Variants in NPC1L1 observed in about 807,000 individuals in gnomAD.
NPC1L1 encodes the protein NPC1 like intracellular cholesterol transporter 1.
NPC1L1 carries 98 observed loss-of-function variants against 117.0 expected under a neutral mutation model. The ratio of observed to expected loss-of-function variants is 0.84; its 90% confidence interval spans 0.71 to 0.99. NPC1L1 has a LOEUF of 0.99. Ranked by LOEUF, NPC1L1 falls within the 50% of genes least tolerant of loss-of-function variation. The pLI is 0.00. For missense variants in NPC1L1, 1,540 were observed against 1,710.0 expected, an observed-to-expected ratio of 0.90 and a Z score of 1.75; for synonymous variants, 729 against 727.6, an observed-to-expected ratio of 1.00 and a Z score of -0.03.
Position 44,536,108 on chromosome 7 carries a change from A to G in NPC1L1, c.1855-140T>C. 1 of 1,531,882 alleles carries G rather than the reference A, an allele frequency of 6.5e-7. No homozygotes were observed. The highest frequency in any genetic ancestry group is 9.0e-7 in the Non-Finnish European group (1 of 1,109,538). The allele number at this position is 1,531,882 out of a possible 1,614,324, so 94.9% of individuals were successfully genotyped here. A position where few individuals can be genotyped will look rare whatever the true frequency, so the allele number is the denominator to read the frequency against. On this transcript the variant is annotated intron_variant, in intron 4 of 18. Coordinates refer to ENST00000381160, the MANE Select transcript of NPC1L1 (RefSeq NM_001101648.2). This position sits in a 1 kb window ranked among gnomAD's most constrained non-coding sequence, Gnocchi z 4.7. ...CCCCTATAATCGCAGGTGAGGCTAT[A>G]AGAACAGCCATCACAATCACCCCGT...
chr7:44,514,799 C>T (rs1801134349), intron 18 of NPC1L1, among the ~76,000 whole-genome samples: 2 of 151,814 alleles, frequency 1.3e-5, no homozygotes, highest in Non-Finnish European at 2.9e-5. Flanking sequence ...GTCAGGAGTT[C>T]GAGACCAGCC....
intron 8 of NPC1L1, among the ~76,000 whole-genome samples, chr7:44,532,929 C>A (rs980004590): frequency 1.3e-5 from 2 of 152,108 alleles, no homozygotes; most frequent in Non-Finnish European, 2.9e-5. Context: ...CATGGTGAAA[C>A]CCCATCTCTA....
rs1056878246 is a variant in NPC1L1 at position 44,533,722 on chromosome 7, G to T, written c.2281+17C>A. On this transcript the variant is annotated intron_variant, in intron 7 of 18. Coordinates refer to ENST00000381160, the MANE Select transcript of NPC1L1 (RefSeq NM_001101648.2). ...AGCAAGCCTAATGCCGAGTGGGGAG[G>T]TCTCACCCAGGCTCACCTAGGAAGA... The T allele has an allele frequency of 1.2e-6, 2 of 1,612,324 alleles. No homozygotes were observed. The highest frequency in any genetic ancestry group is 4.5e-5 in the East Asian group (2 of 44,868).
chr7:44,539,008 G>A lies in NPC1L1; in HGVS notation c.1389C>T (p.Arg463=), dbSNP rs1387505659. The A allele has an allele frequency of 1.9e-6, 3 of 1,614,066 alleles. No homozygotes were observed. The highest frequency in any genetic ancestry group is 2.7e-5 in the African/African-American group (2 of 74,930). The change falls in exon 2 of 19, where the codon CGC becomes CGT. Residue 463 remains arginine, a synonymous_variant. Transcript: ENST00000381160. The surrounding 1 kb of genome is among the most constrained non-coding windows in gnomAD (Gnocchi z 4.4). ...HLQVWSPEAQ[R]NISLQDICYA... Reference sequence around the variant, plus strand: ...AGCAGATGTCCTGCAGGGAGATGTTGCGCTGTGCTTCGGGCGACCATACCT... The same window carrying A: ...AGCAGATGTCCTGCAGGGAGATGTTACGCTGTGCTTCGGGCGACCATACCT...
At chr7:44,528,695 C>A (rs1460902875) in intron 10 of NPC1L1, among the ~76,000 whole-genome samples, 1 of 152,106 alleles carries the variant, frequency 6.6e-6, no homozygotes, top group African/African-American at 2.4e-5. Flanking sequence ...ATATAGAAAA[C>A]AAATAGCAAA....
chr7:44,531,698 G>C lies in NPC1L1; in HGVS notation c.2637+57C>G. The C allele has an allele frequency of 2.0e-6, 3 of 1,468,894 alleles. No individual in the cohort carries two copies. The South Asian group carries it at 3.6e-5, about 18-fold the overall frequency. 91.0% of individuals were successfully genotyped at this position (1,468,894 alleles called of 1,614,324 possible). A position where few individuals can be genotyped will look rare whatever the true frequency, so the allele number is the denominator to read the frequency against. On this transcript the variant is annotated intron_variant, in intron 10 of 18. Coordinates refer to ENST00000381160, the MANE Select transcript of NPC1L1 (RefSeq NM_001101648.2). ...ACCCCCCAACCCATCCCTGCTGGTT[G>C]CTACTGCCCCTCCCCAAATCCCAGG...
At position 44,539,436 on chromosome 7, in the gene NPC1L1, T is replaced by C; in HGVS notation, c.961A>G (p.Lys321Glu). Reference sequence around the variant, plus strand: ...AGCTTGTCAGAGAGGCTGGTGCCCTTCTTGGGGTCCACCATCTTGCTTTTG... The same window carrying C: ...AGCTTGTCAGAGAGGCTGGTGCCCTCCTTGGGGTCCACCATCTTGCTTTTG... ...RDKSKMVDPK[K>E]GTSLSDKLSF... Residue 321 changes from lysine to glutamate, a missense_variant, in exon 2 of 19, where the codon AAG (lysine) becomes GAG (glutamate). Physicochemically the swap from Lys to Glu is moderately conservative, Grantham distance 56. This residue lies in a region of NPC1L1 where 793 missense variants were observed against 820.4 expected (regional missense o/e 0.97). Transcript: ENST00000381160. This position sits in a 1 kb window ranked among gnomAD's most constrained non-coding sequence, Gnocchi z 4.4. The C allele has an allele frequency of 6.2e-7, 1 of 1,613,946 alleles. No homozygotes were observed. Among genetic ancestry groups the C allele is most frequent in the Non-Finnish European group, 8.5e-7 (1 of 1,179,968 alleles).
intron 1 of NPC1L1, 24 bp from the exon 2 acceptor site, chr7:44,540,366 C>T (rs1394117597): frequency 1.0e-5 from 16 of 1,605,242 alleles, no homozygotes; most frequent in East Asian, 2.2e-5. Context: ...CAACATCACG[C>T]GTGGGCCCTG....
At chr7:44,533,631 C>A (rs1801770737) in intron 7 of NPC1L1, 73 bp from the exon 8 acceptor site, 1 of 1,612,316 alleles carries the variant, frequency 6.2e-7, no homozygotes, top group Admixed American at 1.7e-5. Flanking sequence ...TGACAGGGTG[C>A]AGGGGGAAGG....
In NPC1L1 at chr7:44,539,582, A is replaced by G. The variant is rs1451648930; in HGVS notation, c.815T>C (p.Leu272Pro). 1 of 1,614,022 alleles carries G rather than the reference A, an allele frequency of 6.2e-7. No homozygotes were observed. The change falls in exon 2 of 19, where the codon CTC (leucine) becomes CCC (proline). Residue 272 changes from leucine to proline, a missense_variant. Leu to Pro is a moderately conservative substitution (Grantham distance 98). This residue lies in a region of NPC1L1 where 793 missense variants were observed against 820.4 expected (regional missense o/e 0.97). Coordinates refer to ENST00000381160, the MANE Select transcript of NPC1L1 (RefSeq NM_001101648.2). This position sits in a 1 kb window ranked among gnomAD's most constrained non-coding sequence, Gnocchi z 4.4. ...CTGGCCCAGGTAGAAGGTGGAGTCGAGGGCCTGGGGGCGGGCTATGGCAGG... is the reference window on the plus strand; with the variant it reads ...CTGGCCCAGGTAGAAGGTGGAGTCGGGGGCCTGGGGGCGGGCTATGGCAGG... ...SCPAIARPQA[L>P]DSTFYLGQMP...
At chr7:44,523,390 AG>A (rs1411470352) in intron 10 of NPC1L1, among the ~76,000 whole-genome samples, 1 of 152,080 alleles carries the variant, frequency 6.6e-6, no homozygotes. Flanking sequence ...GAGTCTATTG[AG>A]GGCTGGAAGC....
Position 44,540,245 on chromosome 7 carries a change from G to A in NPC1L1, c.152C>T (p.Thr51Ile), listed in dbSNP as rs1281691562. Residue 51 changes from threonine (T) to isoleucine (I), a missense_variant, in exon 2 of 19, where the codon ACA (threonine) becomes ATA (isoleucine). By Grantham distance (89) the Thr-to-Ile change is moderately conservative. Transcript: ENST00000381160. ...KNPELSGSLMTLSNVSCLSNT... is the reference protein window; with the variant it reads ...KNPELSGSLMILSNVSCLSNT... Reference sequence around the variant, plus strand: ...GGACAGGCAGGACACGTTGGAGAGTGTCATGAGGCTTCCAGACAGCTCTGG... The same window carrying A: ...GGACAGGCAGGACACGTTGGAGAGTATCATGAGGCTTCCAGACAGCTCTGG... The A allele has an allele frequency of 6.2e-7, 1 of 1,613,996 alleles. No homozygotes were observed. Among genetic ancestry groups the A allele is most frequent in the Non-Finnish European group, 8.5e-7 (1 of 1,180,048 alleles).
chr7:44,518,981 T>C (rs981113932), intron 14 of NPC1L1, among the ~76,000 whole-genome samples: 1 of 151,730 alleles, frequency 6.6e-6, no homozygotes, highest in African/African-American at 2.4e-5. Context: ...CCTTCTTTCT[T>C]TCTTTCTCTT....
chr7:44,527,645 A>G (rs910413373), intron 10 of NPC1L1, among the ~76,000 whole-genome samples: 3 of 152,036 alleles, frequency 2.0e-5, no homozygotes, highest in African/African-American at 4.8e-5. Flanking sequence ...ACACCACTGC[A>G]TCTCAGCCTG....
In NPC1L1 at chr7:44,540,115, C is replaced by T. The variant is rs1585155018; in HGVS notation, c.282G>A (p.Lys94=). The T allele has an allele frequency of 6.2e-7, 1 of 1,614,168 alleles. No homozygotes were observed. Among genetic ancestry groups the T allele is most frequent in the East Asian group, 2.2e-5 (1 of 44,878 alleles). ...GPNTQACCSA[K]QLVSLEASLS... ...GACTCGCTTCCAGTGATACCAGCTG[C>T]TTGGCGGAGCAGCAGGCTTGGGTGT... The change falls in exon 2 of 19, where the codon AAG becomes AAA. Residue 94 remains lysine, a synonymous_variant. Transcript: ENST00000381160.
intron 18 of NPC1L1, among the ~76,000 whole-genome samples, chr7:44,515,448 T>C (rs1646467992): frequency 6.6e-6 from 1 of 152,220 alleles, no homozygotes; most frequent in South Asian, 2.1e-4. Context: ...GTGAAGCATT[T>C]GTTTTAGGCA....
intron 10 of NPC1L1, among the ~76,000 whole-genome samples, chr7:44,530,281 T>A (rs1801656287): frequency 6.6e-6 from 1 of 151,640 alleles, no homozygotes; most frequent in Non-Finnish European, 1.5e-5. Context: ...GAGATTGCGG[T>A]GAGCCGAGAT....
intron 16 of NPC1L1, 122 bp downstream of exon 16, chr7:44,516,581 G>A (rs1190115777): frequency 3.5e-6 from 3 of 848,608 alleles, no homozygotes; most frequent in African/African-American, 3.4e-5. Context: ...CCTCAAGCCT[G>A]AGCAACAGAG....
At position 44,517,247 on chromosome 7, in the gene NPC1L1, C is replaced by G; in HGVS notation, c.3247G>C (p.Val1083Leu). The change falls in exon 15 of 19, where the codon GTG becomes CTG. Residue 1083 changes from valine to leucine, a missense_variant. Transcript: ENST00000381160. ...TCAAAAGCCGGGTCTGTTCCAGGCACTTTCCGCAGGTCAGCAGTGATGTTG... is the reference window on the plus strand; with the variant it reads ...TCAAAAGCCGGGTCTGTTCCAGGCAGTTTCCGCAGGTCAGCAGTGATGTTG... ...AANITADLRK[V>L]PGTDPAFEVF... 1 of 1,614,076 alleles carries G rather than the reference C, an allele frequency of 6.2e-7. No individual in the cohort carries two copies. The highest frequency in any genetic ancestry group is 8.5e-7 in the Non-Finnish European group (1 of 1,180,010).
Sources: allele counts gnomAD v4.1 joint callset (sites outside exome capture counted in the v4.1 genomes callset), GRCh38; gene constraint gnomAD v4.1.1; regional missense constraint gnomAD v4.1.1; non-coding constraint Gnocchi (gnomAD v3.1); transcripts MANE v1.5; gene names NCBI Gene and HGNC (gene_info 2026-07-23, HGNC 2026-07-21).